SGIP1: variants seen among roughly 807,000 people sequenced by gnomAD.
SGIP1 encodes SH3-containing GRB2-like protein 3-interacting protein 1.
A neutral mutation model predicts 107.5 loss-of-function variants in SGIP1; 38 were observed. The ratio of observed to expected loss-of-function variants is 0.35; its 90% CI spans 0.27 to 0.46. The LOEUF (loss-of-function observed/expected upper bound fraction) is 0.46, where lower values mean the gene tolerates loss of function less well. SGIP1 is among the 20% of genes least tolerant of loss of function. SGIP1 has a pLI of 1.00. For missense variants in SGIP1, 929 were observed against 1,019.5 expected (o/e 0.91, Z 1.21); for synonymous variants, 365 against 366.1 (o/e 1.00, Z 0.03).
chr1:66,616,421 A>C (rs1028093473), intron 1 of SGIP1, among the ~76,000 whole-genome samples: 21 of 142,570 alleles, frequency 1.5e-4, no homozygotes, highest in African/African-American at 5.3e-4. Flanking sequence ...AATCTGCATA[A>C]AGTGATGTAC....
In SGIP1 at chr1:66,748,827, C is replaced by T. The variant is rs949880615; in HGVS notation, c.*5732C>T. On this transcript the variant is annotated 3_prime_UTR_variant, in exon 25 of 25. Coordinates refer to ENST00000371037, the MANE Select transcript of SGIP1 (RefSeq NM_032291.4). Reference sequence around the variant, plus strand: ...AAATGGTCCTATACTATAATTCTCTCTCCTTGGACATTGACAATAAATGTT... The same window carrying T: ...AAATGGTCCTATACTATAATTCTCTTTCCTTGGACATTGACAATAAATGTT... 1.3e-5 allele frequency among the ~76,000 whole-genome samples: 2 copies of T among 151,942 alleles called. No individual in the cohort carries two copies. Among genetic ancestry groups the T allele is most frequent in the Non-Finnish European group, 2.9e-5 (2 of 67,862 alleles).
intron 6 of SGIP1, among the ~76,000 whole-genome samples, chr1:66,643,098 C>CAACT (rs11270343): frequency 1.9e-4 from 5 of 26,878 alleles, no homozygotes; most frequent in Admixed American, 4.8e-4. Flanking sequence ...GCTAAAAAAA[C>CAACT]GCTAATCCCT....
chr1:66,684,835 A>C (rs1165428548), intron 15 of SGIP1, among the ~76,000 whole-genome samples: 1 of 152,234 alleles, frequency 6.6e-6, no homozygotes, highest in Non-Finnish European at 1.5e-5. Context: ...TTTAGCTTCC[A>C]TACCTTTATT....
chr1:66,630,008 C>T lies in SGIP1; in HGVS notation c.75-3062C>T, dbSNP rs535839028. ...AAAGGGGTGAAGTAACTTGCCCAAG[C>T]TTCTGCAGCTAGGAAATCGACATTG... On this transcript the variant is annotated intron_variant, in intron 2 of 24. Transcript: ENST00000371037. 3.3e-5 allele frequency among the ~76,000 whole-genome samples: 5 copies of T among 152,256 alleles called. No individual in the cohort carries two copies. The South Asian group carries it at 1.0e-3, about 32-fold the overall frequency.
chr1:66,583,399 T>A (rs759610152), intron 1 of SGIP1, among the ~76,000 whole-genome samples: 1 of 152,126 alleles, frequency 6.6e-6, no homozygotes, highest in African/African-American at 2.4e-5. Flanking sequence ...AATAACTGCA[T>A]TGCACTTACT....
At chr1:66,585,365 G>A (rs12404488) in intron 1 of SGIP1, among the ~76,000 whole-genome samples, 5 of 152,086 alleles carry the variant, frequency 3.3e-5, no homozygotes, top group African/African-American at 9.7e-5. Flanking sequence ...ATGTCTATTA[G>A]GCCTTCCCTC....
intron 1 of SGIP1, among the ~76,000 whole-genome samples, chr1:66,580,989 C>T (rs2061739471): frequency 6.6e-6 from 1 of 152,016 alleles, no homozygotes; most frequent in Non-Finnish European, 1.5e-5. Context: ...TGCACTCTAA[C>T]CTATAGAAAA....
At chr1:66,675,726 GGTTTCACCAT>G in intron 12 of SGIP1, among the ~76,000 whole-genome samples, 1 of 150,558 alleles carries the variant, frequency 6.6e-6, no homozygotes, top group Non-Finnish European at 1.5e-5. Context: ...GTAGAGACTG[GGTTTCACCAT>G]GTTGCCCAGC....
rs1208959580 is a variant in SGIP1, at chr1:66,749,793, CATCACTCTAAGGTATTTTAA to C, written c.*6703_*6722del. 1.3e-4 allele frequency among the ~76,000 whole-genome samples: 19 copies of C among 151,878 alleles called. No homozygotes were observed. Among genetic ancestry groups the C allele is most frequent in the African/African-American group, 4.6e-4 (19 of 41,362 alleles). On this transcript the variant is annotated 3_prime_UTR_variant, in exon 25 of 25. Coordinates refer to ENST00000371037, the MANE Select transcript of SGIP1 (RefSeq NM_032291.4). ...TAAATGCTTGATGTTATTCATTCAC[CATCACTCTAAGGTATTTTAA>C]ATCATACAACAAGTAACTATCACAA...
chr1:66,659,184 T>G (rs1217797554), intron 7 of SGIP1, among the ~76,000 whole-genome samples: 2 of 152,114 alleles, frequency 1.3e-5, no homozygotes, highest in African/African-American at 4.8e-5. Context: ...TTTTGGAAAA[T>G]GATTCCGAGG....
intron 1 of SGIP1, among the ~76,000 whole-genome samples, chr1:66,581,669 A>C (rs539252769): frequency 6.6e-6 from 1 of 152,158 alleles, no homozygotes; most frequent in Non-Finnish European, 1.5e-5. Flanking sequence ...AGCTCAGCTC[A>C]AGATGAGTTA....
At position 66,748,890 on chromosome 1, in the gene SGIP1, G is replaced by GA. The variant is rs1388915188; in HGVS notation, c.*5795_*5796insA. ...AAGCTTAAGAAAGTTATTGAATCAGGTAAAAAAAATTTTTTCTAAGCACAC... is the reference window on the plus strand; with the variant it reads ...AAGCTTAAGAAAGTTATTGAATCAGGATAAAAAAAATTTTTTCTAAGCACAC... On this transcript the variant is annotated 3_prime_UTR_variant, in exon 25 of 25. Transcript: ENST00000371037. Among the ~76,000 whole-genome samples, 1 of 151,446 alleles carries GA rather than the reference G, an allele frequency of 6.6e-6. No individual in the cohort carries two copies. Among genetic ancestry groups the GA allele is most frequent in the Non-Finnish European group, 1.5e-5 (1 of 67,816 alleles).
chr1:66,625,979 T>G, intron 2 of SGIP1, 69 bp downstream of exon 2: 1 of 1,232,616 alleles, frequency 8.1e-7, no homozygotes, highest in African/African-American at 1.5e-5. Context: ...TCACAGTCAA[T>G]ATAAGATGGC....
At chr1:66,717,176 C>T (rs546247809) in intron 18 of SGIP1, among the ~76,000 whole-genome samples, 1 of 152,258 alleles carries the variant, frequency 6.6e-6, no homozygotes, top group South Asian at 2.1e-4. Context: ...CACCAAACAC[C>T]AAGTTTCAAT....
intron 12 of SGIP1, among the ~76,000 whole-genome samples, chr1:66,675,537 CTTTCTTTTT>C (rs1306802038): frequency 9.2e-6 from 1 of 109,242 alleles, no homozygotes; most frequent in Admixed American, 1.1e-4. Context: ...TTTTCTTTTT[CTTTCTTTTT>C]TTTTTTTTTT....
Position 66,748,946 on chromosome 1 carries a change from AACACTAGTTTAT to A in SGIP1, c.*5853_*5864del. Reference sequence around the variant, plus strand: ...GAAACCTTTGGAAAAGTTTTCTTTTAACACTAGTTTATATATCCTTCAATAATTGTAAATAAA... The same window carrying A: ...GAAACCTTTGGAAAAGTTTTCTTTTAATATCCTTCAATAATTGTAAATAAA... On this transcript the variant is annotated 3_prime_UTR_variant, in exon 25 of 25. Transcript: ENST00000371037. Among the ~76,000 whole-genome samples, 1 of 152,146 alleles carries A rather than the reference AACACTAGTTTAT, an allele frequency of 6.6e-6. No homozygotes were observed. The highest frequency in any genetic ancestry group is 1.9e-4 in the East Asian group (1 of 5,188).
At chr1:66,724,691 G>A (rs1426788037) in intron 19 of SGIP1, among the ~76,000 whole-genome samples, 1 of 152,190 alleles carries the variant, frequency 6.6e-6, no homozygotes, top group Non-Finnish European at 1.5e-5. Context: ...ATAGTTAGGA[G>A]TGAATAGACA....
intron 1 of SGIP1, among the ~76,000 whole-genome samples, chr1:66,588,810 T>A (rs916394326): frequency 6.6e-6 from 1 of 152,010 alleles, no homozygotes; most frequent in Non-Finnish European, 1.5e-5. Context: ...ATTAGCAATA[T>A]ATTCTCAGTT....
chr1:66,560,519 T>C (rs779170870), intron 1 of SGIP1, among the ~76,000 whole-genome samples: 1 of 151,974 alleles, frequency 6.6e-6, no homozygotes, highest in Non-Finnish European at 1.5e-5. Context: ...ATGGATAAAT[T>C]TTACCATAAG....
Sources: gnomAD v4.1 joint callset for allele counts (sites outside exome capture counted in the v4.1 genomes callset) on GRCh38, gnomAD v4.1.1 for gene constraint, MANE v1.5 for transcripts, NCBI Gene and HGNC (gene_info 2026-07-23, HGNC 2026-07-21) for gene names.